Variants in NRXN1 observed in about 807,000 individuals in gnomAD.
The protein encoded by NRXN1 is neurexin 1.
NRXN1 carries 39 observed loss-of-function variants against 150.9 expected under a neutral mutation model. The ratio of observed to expected loss-of-function variants is 0.26; its 90% CI spans 0.20 to 0.34. The LOEUF (loss-of-function observed/expected upper bound fraction) is 0.34, where lower values mean the gene tolerates loss of function less well. NRXN1 is among the 10% of genes least tolerant of loss of function. NRXN1 has a pLI of 1.00. For synonymous variants in NRXN1, 924 were observed against 757.0 expected, an observed-to-expected ratio of 1.22 and a Z score of -3.62; for missense variants, 1,815 against 1,949.9, an observed-to-expected ratio of 0.93 and a Z score of 1.30.
chr2:50,390,700 A>G (rs946640524), intron 17 of NRXN1, among the ~76,000 whole-genome samples: 2 of 152,048 alleles, frequency 1.3e-5, no homozygotes, highest in Admixed American at 1.3e-4. Flanking sequence ...GGTTTGTTAC[A>G]AAAGAAAGTT....
At chr2:50,224,459 A>G (rs1223762004) in intron 18 of NRXN1, among the ~76,000 whole-genome samples, 1 of 151,982 alleles carries the variant, frequency 6.6e-6, no homozygotes, top group African/African-American at 2.4e-5. Context: ...TCTAAAGAGT[A>G]TTGTTTAGTT....
rs200153066 is a variant in NRXN1, at chr2:51,027,551, G to T, written c.723C>A (p.Ala241=). The change falls in exon 2 of 23, where the codon GCC becomes GCA. Residue 241 remains alanine (A), a synonymous_variant. Transcript: ENST00000401669. ...GGVCSVVDDQ[A]VCDCSRTGFR... ...AGCCGGTTCGCGAGCAGTCGCACAC[G>T]GCCTGGTCGTCCACCACGGAGCACA... The T allele has an allele frequency of 6.3e-7, 1 of 1,591,274 alleles. No individual in the cohort carries two copies. Among genetic ancestry groups the T allele is most frequent in the Non-Finnish European group, 8.6e-7 (1 of 1,164,850 alleles).
chr2:50,634,620 C>T (rs1682954419), intron 5 of NRXN1, among the ~76,000 whole-genome samples: 1 of 152,108 alleles, frequency 6.6e-6, no homozygotes, highest in African/African-American at 2.4e-5. Flanking sequence ...GGCAGAATCA[C>T]TGAATTTGTG....
intron 17 of NRXN1, among the ~76,000 whole-genome samples, chr2:50,239,170 G>T (rs2065755639): frequency 6.6e-6 from 1 of 151,810 alleles, no homozygotes; most frequent in Non-Finnish European, 1.5e-5. Flanking sequence ...AAATGATTAA[G>T]TATTAACTTT....
intron 5 of NRXN1, among the ~76,000 whole-genome samples, chr2:50,628,209 C>T (rs1423706489): frequency 6.6e-6 from 1 of 151,768 alleles, no homozygotes; most frequent in Non-Finnish European, 1.5e-5. Flanking sequence ...AAATAATAAA[C>T]AGTTTGCAAT....
chr2:50,086,881 C>T (rs1698864383), intron 19 of NRXN1, among the ~76,000 whole-genome samples: 1 of 151,452 alleles, frequency 6.6e-6, no homozygotes, highest in East Asian at 1.9e-4. Context: ...GTCTCTCCTT[C>T]TATTAAGTTG....
chr2:50,236,923 T>C lies in NRXN1; in HGVS notation c.3412A>G (p.Lys1138Glu), dbSNP rs1323975950. 4 of 1,613,384 alleles carry C rather than the reference T, an allele frequency of 2.5e-6. No individual in the cohort carries two copies. In the Middle Eastern group the frequency reaches 5.0e-4, roughly 200 times the overall value. The change falls in exon 18 of 23, where the codon AAG becomes GAG. Residue 1138 changes from lysine to glutamate, a missense_variant. Coordinates refer to ENST00000401669, the MANE Select transcript of NRXN1 (RefSeq NM_001330078.2). ...CTGGGTCGGTCATTAGGAGGCCACT[T>C]ATACGTGATTTGTCCACCACCTTTG... ...FSKGGGQITYKWPPNDRPSTR... is the reference protein window; with the variant it reads ...FSKGGGQITYEWPPNDRPSTR...
At chr2:50,203,743 A>G (rs2062358450) in intron 18 of NRXN1, among the ~76,000 whole-genome samples, 1 of 152,190 alleles carries the variant, frequency 6.6e-6, no homozygotes, top group African/African-American at 2.4e-5. Flanking sequence ...TATTACATGC[A>G]TTATATTTTC....
intron 2 of NRXN1, among the ~76,000 whole-genome samples, chr2:51,024,162 T>C (rs978279152): frequency 2.0e-5 from 3 of 152,142 alleles, no homozygotes; most frequent in Non-Finnish European, 4.4e-5. Flanking sequence ...GAAATAATGT[T>C]CAAGGTCATT....
At chr2:50,181,842 T>C (rs889436275) in intron 18 of NRXN1, among the ~76,000 whole-genome samples, 5 of 152,098 alleles carry the variant, frequency 3.3e-5, no homozygotes, top group African/African-American at 9.7e-5. Flanking sequence ...CAGATTATCA[T>C]GGAAAACGAG....
intron 18 of NRXN1, among the ~76,000 whole-genome samples, chr2:50,143,270 C>A (rs1457376199): frequency 6.6e-6 from 1 of 151,746 alleles, no homozygotes; most frequent in African/African-American, 2.4e-5. Context: ...AAGGGACATG[C>A]AGAAAAGAAA....
chr2:50,931,592 C>T (rs1254902069), intron 2 of NRXN1, among the ~76,000 whole-genome samples: 1 of 151,830 alleles, frequency 6.6e-6, no homozygotes, highest in African/African-American at 2.4e-5. Context: ...ACATATGTAA[C>T]AAACAGCTTG....
chr2:50,562,146 G>C (rs772309063), intron 8 of NRXN1, among the ~76,000 whole-genome samples: 13 of 152,108 alleles, frequency 8.5e-5, no homozygotes, highest in African/African-American at 1.2e-4. Context: ...TAAATGATGT[G>C]TCTAGATTAA....
intron 17 of NRXN1, among the ~76,000 whole-genome samples, chr2:50,277,999 C>T (rs2070779781): frequency 6.7e-6 from 1 of 150,172 alleles, no homozygotes; most frequent in South Asian, 2.1e-4. Context: ...TAACTCAAAA[C>T]ATCCAACAAT....
chr2:50,871,089 G>A (rs1677713406), intron 5 of NRXN1, among the ~76,000 whole-genome samples: 2 of 151,754 alleles, frequency 1.3e-5, no homozygotes, highest in Non-Finnish European at 2.9e-5. Flanking sequence ...ATAAATCTTT[G>A]TTAATCAGAA....
chr2:50,104,193 T>C (rs925021482), intron 18 of NRXN1, among the ~76,000 whole-genome samples: 3 of 151,938 alleles, frequency 2.0e-5, no homozygotes, highest in African/African-American at 7.2e-5. Context: ...GGGCTGACAA[T>C]AGTTGAAAAG....
At chr2:50,472,737 T>C (rs139447554) in intron 15 of NRXN1, among the ~76,000 whole-genome samples, 2,323 of 151,594 alleles carry the variant, frequency 0.015, 34 homozygotes, top group Non-Finnish European at 0.024. Context: ...GGGCTAGCTA[T>C]AGAGATGCAT....
rs188694788 is a variant in NRXN1 at position 50,285,081 on chromosome 2, G to A, written c.3365-48111C>T. Among the ~76,000 whole-genome samples the A allele has an allele frequency of 8.5e-5, 13 of 152,222 alleles. No individual in the cohort carries two copies. The East Asian group carries it at 2.5e-3, about 29-fold the overall frequency. On this transcript the variant is annotated intron_variant, in intron 17 of 22. Transcript: ENST00000401669. The stretch of plus-strand genomic sequence containing the variant: ...ATTTTTGGTGAATCAATGAGTGATG[G>A]CAGTTGTAGTTGTAGTGGGTTAAAT...
intron 18 of NRXN1, among the ~76,000 whole-genome samples, chr2:50,192,376 C>A (rs2061498500): frequency 6.6e-6 from 1 of 151,914 alleles, no homozygotes; most frequent in Non-Finnish European, 1.5e-5. Context: ...CCAGATACGT[C>A]CTGAAAATAG....
Sources: allele counts gnomAD v4.1 joint callset (sites outside exome capture counted in the v4.1 genomes callset), GRCh38; gene constraint gnomAD v4.1.1; transcripts MANE v1.5; gene names NCBI Gene and HGNC (gene_info 2026-07-23, HGNC 2026-07-21).